Variants in UBALD1 observed in about 807,000 individuals in gnomAD.
UBALD1 encodes the protein UBA like domain containing 1.
A neutral mutation model predicts 16.1 loss-of-function variants in UBALD1; 5 were observed. The ratio of observed to expected loss-of-function variants is 0.31; its 90% CI spans 0.16 to 0.66. The LOEUF (loss-of-function observed/expected upper bound fraction) is 0.66, where lower values mean the gene tolerates loss of function less well. Ranked by LOEUF, UBALD1 falls within the 30% of genes least tolerant of loss-of-function variation. The pLI is 0.77. For synonymous variants in UBALD1, 146 were observed against 105.3 expected, an observed-to-expected ratio of 1.39 and a Z score of -2.37; for missense variants, 220 against 252.8, an observed-to-expected ratio of 0.87 and a Z score of 0.88.
At chr16:4,614,530 G>A in intron 1 of UBALD1, 148 bp downstream of exon 1, 1 of 1,270,660 alleles carries the variant, frequency 7.9e-7, no homozygotes, top group South Asian at 1.8e-5. Context: ...CGGACGCCGG[G>A]CACCGCCGTC....
rs1897327811 is a variant in UBALD1, at chr16:4,609,369, T to G, written c.*264A>C. The G allele has an allele frequency of 2.8e-6, 1 of 359,470 alleles. No individual in the cohort carries two copies. Among genetic ancestry groups the G allele is most frequent in the Non-Finnish European group, 5.0e-6 (1 of 201,618 alleles). The allele number at this position is 359,470 out of a possible 1,614,324, so 22.3% of individuals were successfully genotyped here. A position where few individuals can be genotyped will look rare whatever the true frequency, so the allele number is the denominator to read the frequency against. On this transcript the variant is annotated 3_prime_UTR_variant, in exon 3 of 3. Transcript: ENST00000283474. The stretch of plus-strand genomic sequence containing the variant: ...GGTGCGTCTTCGAAGGAAGGCTGCG[T>G]GGTCTCTGAAGTTCTGTCCGCCAGG...
intron 1 of UBALD1, chr16:4,613,847 G>A (rs1897387646): frequency 6.6e-6 from 1 of 152,452 alleles, no homozygotes; most frequent in South Asian, 2.1e-4. Context: ...TACCCAGCTA[G>A]CCCGAAAGCT....
intron 1 of UBALD1, chr16:4,614,105 A>G (rs1287352580): frequency 1.1e-5 from 2 of 174,088 alleles, no homozygotes; most frequent in Non-Finnish European, 2.4e-5. Flanking sequence ...CGTTGATCAC[A>G]CACCAAACGC....
At chr16:4,610,007 T>G in intron 2 of UBALD1, 24 bp from the exon 3 acceptor site, 63 of 1,431,616 alleles carry the variant, frequency 4.4e-5, no homozygotes, top group African/African-American at 5.6e-5. Flanking sequence ...AGAGGAGAGA[T>G]GGGGTGAGCA....
intron 1 of UBALD1, 99 bp from the exon 2 acceptor site, chr16:4,610,654 G>C (rs752776438): frequency 2.2e-6 from 3 of 1,370,856 alleles, no homozygotes; most frequent in Non-Finnish European, 3.0e-6. Context: ...GACCCTGGCT[G>C]GACTGCTGAG....
chr16:4,610,207 T>C (rs1178026154), intron 2 of UBALD1: 2 of 712,234 alleles, frequency 2.8e-6, no homozygotes, highest in Non-Finnish European at 5.1e-6. Flanking sequence ...GCCACGAGGC[T>C]TTCCCAGCCC....
At chr16:4,612,769 C>T (rs1035461466) in intron 1 of UBALD1, among the ~76,000 whole-genome samples, 1 of 152,170 alleles carries the variant, frequency 6.6e-6, no homozygotes, top group Non-Finnish European at 1.5e-5. Flanking sequence ...GAACCCCTCA[C>T]TCAGCCCCAT....
chr16:4,614,348 G>T (rs903353746), intron 1 of UBALD1: 1 of 366,960 alleles, frequency 2.7e-6, no homozygotes, highest in East Asian at 4.0e-5. Flanking sequence ...CCGGCCGCCC[G>T]CCCGACTGTC....
intron 2 of UBALD1, 121 bp from the exon 3 acceptor site, chr16:4,610,104 T>A: frequency 2.3e-6 from 2 of 852,780 alleles, no homozygotes; most frequent in Non-Finnish European, 3.8e-6. Context: ...CTTCCCCAGA[T>A]CCCCAAGCCT....
chr16:4,610,195 G>A (rs2306770), intron 2 of UBALD1: 27 of 713,086 alleles, frequency 3.8e-5, no homozygotes, highest in Admixed American at 8.0e-5. Flanking sequence ...ACGGTGCCTG[G>A]GGCCACGAGG....
At chr16:4,611,671 G>A (rs2141785106) in intron 1 of UBALD1, 1 of 152,940 alleles carries the variant, frequency 6.5e-6, no homozygotes, top group Middle Eastern at 3.4e-3. Flanking sequence ...AGCGAGCCTG[G>A]AGCCCTTTCC....
chr16:4,614,150 T>G (rs1897392253), intron 1 of UBALD1: 1 of 218,652 alleles, frequency 4.6e-6, no homozygotes, highest in Non-Finnish European at 9.0e-6. Context: ...CGCGCCAACG[T>G]GCCCGCAGGT....
At chr16:4,610,591 C>T in intron 1 of UBALD1, 36 bp from the exon 2 acceptor site, 1 of 1,589,174 alleles carries the variant, frequency 6.3e-7, no homozygotes, top group South Asian at 1.1e-5. Context: ...CCCTCCAGGC[C>T]CCCGCCGGCC....
intron 2 of UBALD1, 161 bp downstream of exon 2, chr16:4,610,332 C>T: frequency 3.9e-6 from 3 of 767,776 alleles, no homozygotes; most frequent in South Asian, 1.7e-5. Flanking sequence ...AGATTAAGTG[C>T]AGGACCCACG....
At chr16:4,614,151 G>T (rs1171696189) in intron 1 of UBALD1, 2 of 221,358 alleles carry the variant, frequency 9.0e-6, no homozygotes, top group East Asian at 9.3e-5. Flanking sequence ...GCGCCAACGT[G>T]CCCGCAGGTC....
Position 4,610,566 on chromosome 16 carries a change from A to G in UBALD1, c.121-11T>C. 6.2e-7 allele frequency: 1 copy of G among 1,608,628 alleles called. No homozygotes were observed. Among genetic ancestry groups the G allele is most frequent in the Non-Finnish European group, 8.5e-7 (1 of 1,178,242 alleles). On this transcript the variant is annotated splice_polypyrimidine_tract_variant and intron_variant, in intron 1 of 2. Transcript: ENST00000283474. ...GGCGCTGAGGGCTGTCTGCAGGAAGAAAGGCCCCTGCTCACCCTCCAGGCC... is the reference window on the plus strand; with the variant it reads ...GGCGCTGAGGGCTGTCTGCAGGAAGGAAGGCCCCTGCTCACCCTCCAGGCC...
At chr16:4,612,550 C>T (rs998847685) in intron 1 of UBALD1, among the ~76,000 whole-genome samples, 4 of 152,024 alleles carry the variant, frequency 2.6e-5, no homozygotes, top group Non-Finnish European at 4.4e-5. Context: ...TAAATCCCAA[C>T]CCCAGGAGCC....
At chr16:4,610,720 C>G (rs895168504) in intron 1 of UBALD1, 165 bp from the exon 2 acceptor site, 163 of 717,196 alleles carry the variant, frequency 2.3e-4, no homozygotes, top group Non-Finnish European at 3.1e-4. Flanking sequence ...ACCCCCAACC[C>G]TCACTGCTGT....
chr16:4,609,951 G>A lies in UBALD1; in HGVS notation c.216C>T (p.Pro72=), dbSNP rs759471750. ...MCTPANTPAT[P]PNFPDALTMF... ...TGGTGAGAGCGTCAGGGAAGTTGGG[G>A]GGTGTAGCAGGGGTATTGGCGGGGG... The change falls in exon 3 of 3, where the codon CCC becomes CCT. Residue 72 remains proline (P), a synonymous_variant. Coordinates refer to ENST00000283474, the MANE Select transcript of UBALD1 (RefSeq NM_145253.3). 38 of 1,596,572 alleles carry A rather than the reference G, an allele frequency of 2.4e-5. No individual in the cohort carries two copies. Among genetic ancestry groups the A allele is most frequent in the Non-Finnish European group, 3.1e-5 (36 of 1,170,956 alleles).
Sources: allele counts gnomAD v4.1 joint callset (sites outside exome capture counted in the v4.1 genomes callset), GRCh38; gene constraint gnomAD v4.1.1; transcripts MANE v1.5; gene names NCBI Gene and HGNC (gene_info 2026-07-23, HGNC 2026-07-21).